The following CCDC61 variants were observed in gnomAD, a reference collection of about 807,000 sequenced individuals.
CCDC61 encodes the protein coiled-coil domain containing 61.
CCDC61 carries 55 observed loss-of-function variants against 63.0 expected under a neutral mutation model. The observed-to-expected ratio is 0.87, with a 90% CI of 0.70 to 1.09. CCDC61 has a LOEUF of 1.09. Ranked by LOEUF, CCDC61 falls within the 50% of genes least tolerant of loss-of-function variation. The pLI is 0.00. For synonymous variants in CCDC61, 270 were observed against 317.0 expected, an observed-to-expected ratio of 0.85 and a Z score of 1.58; for missense variants, 651 against 731.4, an observed-to-expected ratio of 0.89 and a Z score of 1.27.
intron 5 of CCDC61, among the ~76,000 whole-genome samples, chr19:46,014,531 T>G (rs762054752): frequency 2.0e-5 from 3 of 152,180 alleles, no homozygotes; most frequent in Non-Finnish European, 4.4e-5. Context: ...TACATTTTGG[T>G]TATTTCCACT....
At position 46,016,969 on chromosome 19, in the gene CCDC61, C is replaced by A; in HGVS notation, c.1232-22C>A. The A allele has an allele frequency of 6.2e-7, 1 of 1,601,642 alleles. No homozygotes were observed. The highest frequency in any genetic ancestry group is 1.1e-5 in the South Asian group (1 of 88,734). On this transcript the variant is annotated intron_variant, in intron 10 of 13. Transcript: ENST00000595358. This position sits in a 1 kb window ranked among gnomAD's most constrained non-coding sequence, Gnocchi z 7.2. The stretch of plus-strand genomic sequence containing the variant: ...GGCGGGGCCAGCGAGGGCCAGCGGT[C>A]ACGCCCTCCGTCTCCCTCTAGTGGA...
rs1339001262 is a variant in CCDC61 at position 46,018,421 on chromosome 19, C to A, written c.*34C>A. On this transcript the variant is annotated 3_prime_UTR_variant, in exon 14 of 14. Coordinates refer to ENST00000595358, the MANE Select transcript of CCDC61 (RefSeq NM_001267723.2). This position sits in a 1 kb window ranked among gnomAD's most constrained non-coding sequence, Gnocchi z 4.2. ...AGGGGTACTACCCCTCCATCCCCCA[C>A]CCACTTGCTGGGTATGGTGTGGGGG... 2.6e-6 allele frequency: 4 copies of A among 1,521,814 alleles called. No homozygotes were observed. The highest frequency in any genetic ancestry group is 3.9e-5 in the Admixed American group (2 of 50,762). The allele number at this position is 1,521,814 out of a possible 1,614,324, so 94.3% of individuals were successfully genotyped here.
chr19:46,014,553 A>G (rs139332725), intron 5 of CCDC61, among the ~76,000 whole-genome samples: 22 of 152,266 alleles, frequency 1.4e-4, no homozygotes, highest in Admixed American at 2.6e-4. Flanking sequence ...TTTTGCTATT[A>G]CAGATTGTGC....
chr19:46,008,335 T>TG, intron 5 of CCDC61, 34 bp downstream of exon 5: 14 of 499,164 alleles, frequency 2.8e-5, no homozygotes, highest in East Asian at 1.2e-4. Flanking sequence ...CTGGGGCGGG[T>TG]GGGGGCCCTC....
At chr19:46,001,468 C>T (rs1403298089) in intron 1 of CCDC61, among the ~76,000 whole-genome samples, 2 of 152,216 alleles carry the variant, frequency 1.3e-5, no homozygotes, top group Non-Finnish European at 2.9e-5. Flanking sequence ...AAATGATCCA[C>T]CCTCCTCGGC....
intron 3 of CCDC61, 22 bp downstream of exon 3, chr19:46,003,523 T>G (rs10412427): frequency 2.2e-4 from 222 of 1,014,288 alleles, no homozygotes; most frequent in East Asian, 8.1e-4. Context: ...GTTGGCGGGT[T>G]GGGGTGGGAG....
intron 3 of CCDC61, among the ~76,000 whole-genome samples, chr19:46,006,229 A>C (rs1297865868): frequency 6.6e-6 from 1 of 152,176 alleles, no homozygotes; most frequent in Non-Finnish European, 1.5e-5. Context: ...AAGACAAATG[A>C]CGTCTTTGTA....
chr19:46,009,481 C>A (rs1046430383), intron 5 of CCDC61, among the ~76,000 whole-genome samples: 1 of 152,282 alleles, frequency 6.6e-6, no homozygotes, highest in African/African-American at 2.4e-5. Context: ...ACAAGGTAGG[C>A]ACTGCTATTA....
At chr19:46,008,959 G>T (rs1265831972) in intron 5 of CCDC61, among the ~76,000 whole-genome samples, 1 of 152,164 alleles carries the variant, frequency 6.6e-6, no homozygotes, top group Non-Finnish European at 1.5e-5. Context: ...CCTTCATGGG[G>T]TGCACCTTTT....
At position 46,018,381 on chromosome 19, in the gene CCDC61, G is replaced by T. The variant is rs761749444; in HGVS notation, c.1533G>T (p.Arg511=). Residue 511 remains arginine (R), a synonymous_variant, in exon 14 of 14, where the codon CGG becomes CGT. Transcript: ENST00000595358. The surrounding 1 kb of genome is among the most constrained non-coding windows in gnomAD (Gnocchi z 4.2). The part of the protein sequence containing the change: ...LQEYMNRLDM[R]S ...AGTACATGAACCGACTGGACATGCG[G>T]TCATAACGTGGAGAAGGGGTACTAC... The T allele has an allele frequency of 1.1e-5, 17 of 1,565,198 alleles. No individual in the cohort carries two copies. The highest frequency in any genetic ancestry group is 1.5e-5 in the Non-Finnish European group (17 of 1,155,144).
At chr19:46,002,687 G>A (rs1343173584) in intron 1 of CCDC61, among the ~76,000 whole-genome samples, 2 of 152,040 alleles carry the variant, frequency 1.3e-5, no homozygotes. Context: ...AAAGTGCTGG[G>A]ATAACAGTTG....
Position 46,018,058 on chromosome 19 carries a change from C to T in CCDC61, c.1369-20C>T, listed in dbSNP as rs1285346341. 1 of 1,599,300 alleles carries T rather than the reference C, an allele frequency of 6.3e-7. No homozygotes were observed. The highest frequency in any genetic ancestry group is 8.5e-7 in the Non-Finnish European group (1 of 1,173,014). On this transcript the variant is annotated intron_variant, in intron 12 of 13. Coordinates refer to ENST00000595358, the MANE Select transcript of CCDC61 (RefSeq NM_001267723.2). The surrounding 1 kb of genome is among the most constrained non-coding windows in gnomAD (Gnocchi z 4.2). ...AGAGGGACGGTGGGTGACCCCCTTTCCTACCTTCCCCATCACCAGAAGTCT... is the reference window on the plus strand; with the variant it reads ...AGAGGGACGGTGGGTGACCCCCTTTTCTACCTTCCCCATCACCAGAAGTCT...
At chr19:46,002,802 A>C (rs1191261247) in intron 1 of CCDC61, among the ~76,000 whole-genome samples, 1 of 152,184 alleles carries the variant, frequency 6.6e-6, no homozygotes, top group Non-Finnish European at 1.5e-5. Flanking sequence ...ATATTGCCCA[A>C]TGTAATCCTC....
intron 1 of CCDC61, among the ~76,000 whole-genome samples, chr19:45,998,937 T>G (rs1217673807): frequency 6.6e-6 from 1 of 151,954 alleles, no homozygotes; most frequent in Non-Finnish European, 1.5e-5. Flanking sequence ...TGAGGCCGCA[T>G]TTGGGTTAGT....
rs750989563 is a variant in CCDC61 at position 46,008,251 on chromosome 19, C to A, written c.501C>A (p.Gly167=). 5.7e-5 allele frequency: 91 copies of A among 1,609,010 alleles called. No homozygotes were observed. Among genetic ancestry groups the A allele is most frequent in the Non-Finnish European group, 7.4e-5 (87 of 1,177,220 alleles). ...TGGGCCGCCTGCAAGGGCTGGATGG[C>A]CAGAACACTCGGGACACCCGGGAGA... ...EELGRLQGLD[G]QNTRDTRENE... Residue 167 remains glycine (G), a synonymous_variant, in exon 5 of 14, where the codon GGC becomes GGA. Transcript: ENST00000595358.
At chr19:46,012,699 C>A (rs1236616442) in intron 5 of CCDC61, among the ~76,000 whole-genome samples, 1 of 151,858 alleles carries the variant, frequency 6.6e-6, no homozygotes, top group Non-Finnish European at 1.5e-5. Flanking sequence ...CCATAGCCTC[C>A]GTATGTCTTT....
At position 46,018,508 on chromosome 19, in the gene CCDC61, C is replaced by A; in HGVS notation, c.*121C>A. 1 of 722,784 alleles carries A rather than the reference C, an allele frequency of 1.4e-6. No homozygotes were observed. Among genetic ancestry groups the A allele is most frequent in the Non-Finnish European group, 2.3e-6 (1 of 428,688 alleles). The allele number at this position is 722,784 out of a possible 1,614,324, so 44.8% of individuals were successfully genotyped here. On this transcript the variant is annotated 3_prime_UTR_variant, in exon 14 of 14. Coordinates refer to ENST00000595358, the MANE Select transcript of CCDC61 (RefSeq NM_001267723.2). This position sits in a 1 kb window ranked among gnomAD's most constrained non-coding sequence, Gnocchi z 4.2. ...TGCCCTGGCCCCGTCCCTCCTGCTG[C>A]CCCTGGGGTCTCAGGTGTGTGAGGC...
At position 45,995,488 on chromosome 19, in the gene CCDC61, G is replaced by T. The variant is rs766130519; in HGVS notation, c.-28G>T. On this transcript the variant is annotated 5_prime_UTR_variant, in exon 1 of 14. Transcript: ENST00000595358. The stretch of plus-strand genomic sequence containing the variant: ...CGTCAGTTGAACCGCTCGCGAGGAG[G>T]GTTGCTAGTGGAGAAGGTGAGAGGC... The T allele has an allele frequency of 1.9e-6, 1 of 529,628 alleles. No individual in the cohort carries two copies. The highest frequency in any genetic ancestry group is 2.0e-5 in the Admixed American group (1 of 50,816). 32.8% of individuals were successfully genotyped at this position (529,628 alleles called of 1,614,324 possible). A position where few individuals can be genotyped will look rare whatever the true frequency, so the allele number is the denominator to read the frequency against.
chr19:46,001,031 G>T (rs566247450), intron 1 of CCDC61, among the ~76,000 whole-genome samples: 1 of 151,314 alleles, frequency 6.6e-6, no homozygotes, highest in African/African-American at 2.4e-5. Flanking sequence ...GTTCAGTTCC[G>T]TGGGTGCCTC....
Sources: allele counts gnomAD v4.1 joint callset (sites outside exome capture counted in the v4.1 genomes callset), GRCh38; gene constraint gnomAD v4.1.1; non-coding constraint Gnocchi (gnomAD v3.1); transcripts MANE v1.5; gene names NCBI Gene and HGNC (gene_info 2026-07-23, HGNC 2026-07-21).